Variants in RASGRP3 observed in about 807,000 individuals in gnomAD.
RASGRP3 encodes RAS guanyl releasing protein 3, also known as ras guanyl-releasing protein 3.
In RASGRP3, 54 loss-of-function variants were observed where a neutral mutation model predicts 82.7. That is an observed-to-expected ratio of 0.65 (90% CI 0.52 to 0.82). RASGRP3 has a LOEUF of 0.82. Among genes scored for constraint, RASGRP3 ranks in the 40% least tolerant of loss-of-function variants. RASGRP3 has a pLI of 0.00. For missense variants in RASGRP3, 861 were observed against 828.9 expected (o/e 1.04, Z -0.48); for synonymous variants, 309 against 300.5 (o/e 1.03, Z -0.29).
chr2:33,440,373 A>C (rs1400616638), intron 1 of RASGRP3, among the ~76,000 whole-genome samples: 1 of 152,228 alleles, frequency 6.6e-6, no homozygotes, highest in African/African-American at 2.4e-5. Context: ...AGATTAAGTA[A>C]CATGTCCATG....
intron 1 of RASGRP3, among the ~76,000 whole-genome samples, chr2:33,495,494 C>T (rs1669226176): frequency 6.6e-6 from 1 of 151,746 alleles, no homozygotes; most frequent in Non-Finnish European, 1.5e-5. Context: ...AGCTTGGTTC[C>T]TAACAGGCCA....
upstream of RASGRP3, among the ~76,000 whole-genome samples, chr2:33,473,829 T>C (rs1470519524): frequency 1.3e-5 from 2 of 152,132 alleles, 1 homozygote; most frequent in South Asian, 4.1e-4. Flanking sequence ...GTCCCTAATG[T>C]ATTTGGCACC....
Position 33,524,624 on chromosome 2 carries a change from A to T in RASGRP3, c.807+76A>T. The T allele has an allele frequency of 3.6e-6, 4 of 1,111,402 alleles. No homozygotes were observed. In the South Asian group the frequency reaches 6.0e-5, roughly 17 times the overall value. The allele number at this position is 1,111,402 out of a possible 1,614,324, so 68.8% of individuals were successfully genotyped here. A position where few individuals can be genotyped will look rare whatever the true frequency, so the allele number is the denominator to read the frequency against. ...GTTCAGGTTTAGTATACGCCTAACA[A>T]ATGTCACTCAGAGTGGGAAAGTTTT... On this transcript the variant is annotated intron_variant, in intron 9 of 17. Coordinates refer to ENST00000403687, the MANE Select transcript of RASGRP3 (RefSeq NM_001139488.2).
chr2:33,558,080 T>C, intron 15 of RASGRP3, 131 bp from the exon 16 acceptor site: 1 of 1,241,170 alleles, frequency 8.1e-7, no homozygotes, highest in Non-Finnish European at 1.1e-6. Flanking sequence ...CCCATGGGCC[T>C]GAGCTCAACT....
intron 8 of RASGRP3, 29 bp downstream of exon 8, chr2:33,524,081 G>A (rs752014277): frequency 1.2e-6 from 2 of 1,604,746 alleles, no homozygotes; most frequent in Admixed American, 3.3e-5. Context: ...CTGGGTTCTT[G>A]AGTTCTAGAT....
chr2:33,439,391 G>C (rs1431090055), intron 1 of RASGRP3, among the ~76,000 whole-genome samples: 3 of 152,142 alleles, frequency 2.0e-5, no homozygotes, highest in Non-Finnish European at 4.4e-5. Flanking sequence ...GGATGAGGGA[G>C]ATGAGGACAT....
intron 12 of RASGRP3, 103 bp from the exon 13 acceptor site, chr2:33,543,406 ACCT>A: frequency 1.5e-6 from 1 of 657,576 alleles, no homozygotes; most frequent in Non-Finnish European, 2.6e-6. Context: ...CTAGATTCTA[ACCT>A]CCTTGATAGA....
intron 10 of RASGRP3, 145 bp downstream of exon 10, chr2:33,527,557 G>C (rs1306372133): frequency 4.5e-6 from 4 of 881,772 alleles, no homozygotes; most frequent in Non-Finnish European, 5.0e-6. Context: ...CATAGAACAA[G>C]GGAAAAGGAG....
At chr2:33,512,958 C>G (rs973409059) in intron 2 of RASGRP3, among the ~76,000 whole-genome samples, 5 of 152,042 alleles carry the variant, frequency 3.3e-5, no homozygotes, top group Non-Finnish European at 7.4e-5. Flanking sequence ...AAAAATAAAT[C>G]CAGGAAAGGC....
At chr2:33,549,469 G>A in intron 13 of RASGRP3, 135 bp from the exon 14 acceptor site, 1 of 831,086 alleles carries the variant, frequency 1.2e-6, no homozygotes, top group Non-Finnish European at 1.8e-6. Flanking sequence ...CTCCTTCTCT[G>A]AGATGTAATA....
intron 2 of RASGRP3, among the ~76,000 whole-genome samples, chr2:33,466,727 G>A (rs531516926): frequency 6.6e-6 from 1 of 152,040 alleles, no homozygotes; most frequent in South Asian, 2.1e-4. Flanking sequence ...CAGATGCAGG[G>A]GAAACAGACA....
At chr2:33,490,494 A>G (rs930067357) in intron 1 of RASGRP3, among the ~76,000 whole-genome samples, 2 of 152,212 alleles carry the variant, frequency 1.3e-5, no homozygotes, top group African/African-American at 4.8e-5. Flanking sequence ...TTGCAGTAGC[A>G]TTCAACATGA....
intron 2 of RASGRP3, among the ~76,000 whole-genome samples, chr2:33,450,808 CTCTTTCTTTCTTTCTTTTTTTTTTTT>C (rs1665744744): frequency 1.5e-5 from 1 of 65,310 alleles, no homozygotes; most frequent in African/African-American, 5.2e-5. Flanking sequence ...CTTTCTTTTT[CTCTTTCTTTCTTTCTTTTTTTTTTTT>C]TTTTTTTTTT....
chr2:33,524,271 AATAG>A (rs1213914805), intron 8 of RASGRP3, among the ~76,000 whole-genome samples, 157 bp from the exon 9 acceptor site: 1 of 152,240 alleles, frequency 6.6e-6, no homozygotes, highest in East Asian at 1.9e-4. Flanking sequence ...TCTGTGAAAT[AATAG>A]ATATATTTCT....
intron 1 of RASGRP3, among the ~76,000 whole-genome samples, chr2:33,478,896 C>T (rs2150931303): frequency 6.6e-6 from 1 of 152,278 alleles, no homozygotes; most frequent in Non-Finnish European, 1.5e-5. Context: ...ATAGTCTCCT[C>T]ACAATAACTC....
intron 11 of RASGRP3, among the ~76,000 whole-genome samples, chr2:33,536,788 G>C (rs774566681): frequency 9.9e-5 from 15 of 152,154 alleles, no homozygotes; most frequent in Non-Finnish European, 1.6e-4. Flanking sequence ...ACTGAGACTT[G>C]CGACAGAGGT....
intron 14 of RASGRP3, among the ~76,000 whole-genome samples, chr2:33,551,936 C>T (rs1228843328): frequency 2.6e-5 from 4 of 151,898 alleles, no homozygotes; most frequent in East Asian, 1.9e-4. Context: ...GAGCTTGCAG[C>T]GAGCCAAGAT....
chr2:33,454,777 G>A (rs1237854511), intron 2 of RASGRP3, among the ~76,000 whole-genome samples: 4 of 152,196 alleles, frequency 2.6e-5, no homozygotes, highest in Non-Finnish European at 5.9e-5. Context: ...AATATTAACT[G>A]AAAAGTTCTC....
chr2:33,445,116 T>C (rs6712026), intron 1 of RASGRP3, among the ~76,000 whole-genome samples: 3,917 of 152,328 alleles, frequency 0.026, 146 homozygotes, highest in African/African-American at 0.082. Context: ...GCTATAATAA[T>C]CTTCTATAAC....
Sources: allele counts gnomAD v4.1 joint callset (sites outside exome capture counted in the v4.1 genomes callset), GRCh38; gene constraint gnomAD v4.1.1; transcripts MANE v1.5; gene names NCBI Gene and HGNC (gene_info 2026-07-23, HGNC 2026-07-21).